Variants in PRIM2 observed in about 807,000 individuals in gnomAD.
The protein encoded by PRIM2 is DNA primase large subunit.
In PRIM2, 39 loss-of-function variants were observed where a neutral mutation model predicts 67.3. The observed-to-expected ratio is 0.58, with a 90% CI of 0.45 to 0.76. The LOEUF is 0.76. Ranked by LOEUF, PRIM2 falls within the 30% of genes least tolerant of loss-of-function variation. The probability of loss-of-function intolerance (pLI) is 0.00; values close to 1 mark genes in which losing one functional copy is unlikely to be tolerated. For missense variants in PRIM2, 398 were observed against 598.7 expected (o/e 0.66, Z 3.50); for synonymous variants, 143 against 198.7 (o/e 0.72, Z 2.36).
At chr6:57,440,085 T>C (rs371419936) in intron 7 of PRIM2, among the ~76,000 whole-genome samples, 3 of 151,306 alleles carry the variant, frequency 2.0e-5, no homozygotes, top group East Asian at 3.9e-4. Flanking sequence ...ATTAAAACTA[T>C]TGAGAATCCC....
At chr6:57,438,716 T>C (rs1772092349) in intron 7 of PRIM2, among the ~76,000 whole-genome samples, 1 of 152,176 alleles carries the variant, frequency 6.6e-6, no homozygotes, top group Admixed American at 6.5e-5. Context: ...TGGTCTCTGT[T>C]TCTCTAGGTT....
intron 5 of PRIM2, among the ~76,000 whole-genome samples, chr6:57,333,526 C>T (rs1241368680): frequency 6.6e-6 from 1 of 152,028 alleles, no homozygotes; most frequent in Non-Finnish European, 1.5e-5. Flanking sequence ...TTGGTGGACT[C>T]TTTTAATCTG....
At chr6:57,297,316 C>T in the PRIM2 span, among the ~76,000 whole-genome samples, 1 of 152,012 alleles carries the variant, frequency 6.6e-6, no homozygotes, top group African/African-American at 2.4e-5. Context: ...GTGGCGGGTG[C>T]CTGTAATCCC....
intron 12 of PRIM2, among the ~76,000 whole-genome samples, chr6:57,624,070 A>G (rs1381878482): frequency 1.3e-5 from 2 of 152,202 alleles, no homozygotes; most frequent in Admixed American, 1.3e-4. Flanking sequence ...CATAAAGATC[A>G]TAGAGCATAG....
chr6:57,359,683 CTG>C (rs1193780263), intron 5 of PRIM2, among the ~76,000 whole-genome samples: 4 of 152,070 alleles, frequency 2.6e-5, no homozygotes, highest in Non-Finnish European at 5.9e-5. Context: ...CTCAAAACAA[CTG>C]TACTATGATT....
At chr6:57,320,308 A>G (rs1767609997) in intron 2 of PRIM2, 149 bp from the exon 3 acceptor site, 1 of 547,562 alleles carries the variant, frequency 1.8e-6, no homozygotes. Flanking sequence ...AAGCATATGT[A>G]GTTTATATGA....
intron 5 of PRIM2, among the ~76,000 whole-genome samples, chr6:57,332,895 C>T (rs574713260): frequency 1.4e-4 from 22 of 152,010 alleles, no homozygotes; most frequent in East Asian, 3.9e-4. Context: ...TTAGTATTTC[C>T]GTGTGCCATC....
the PRIM2 span, among the ~76,000 whole-genome samples, chr6:57,224,783 G>A: frequency 2.4e-4 from 36 of 152,330 alleles, no homozygotes; most frequent in African/African-American, 7.9e-4. Context: ...CATTGAAGGA[G>A]ATCCAGAATA....
intron 7 of PRIM2, among the ~76,000 whole-genome samples, chr6:57,491,834 T>C (rs1773898663): frequency 6.6e-6 from 1 of 152,162 alleles, no homozygotes; most frequent in South Asian, 2.1e-4. Flanking sequence ...CCCTCACAGT[T>C]GAATACCAGG....
chr6:57,359,497 C>T (rs1769130229), intron 5 of PRIM2, among the ~76,000 whole-genome samples: 1 of 152,218 alleles, frequency 6.6e-6, no homozygotes, highest in African/African-American at 2.4e-5. Flanking sequence ...TTGCCAGCAG[C>T]ACCCTTTCTG....
intron 5 of PRIM2, among the ~76,000 whole-genome samples, chr6:57,364,443 C>T (rs568581986): frequency 6.1e-4 from 93 of 152,178 alleles, no homozygotes; most frequent in Middle Eastern, 6.8e-3. Context: ...CTTTTTAAAC[C>T]GTATTTAGGA....
chr6:57,557,749 C>T (rs1404867632), intron 10 of PRIM2, among the ~76,000 whole-genome samples: 1 of 151,596 alleles, frequency 6.6e-6, no homozygotes, highest in Non-Finnish European at 1.5e-5. Context: ...CAAACCTGCA[C>T]ATATCCCCCA....
intron 7 of PRIM2, among the ~76,000 whole-genome samples, chr6:57,416,755 T>C (rs1200589724): frequency 6.6e-6 from 1 of 152,156 alleles, no homozygotes; most frequent in Non-Finnish European, 1.5e-5. Context: ...GTTATAGAGA[T>C]GGCTGCTCTC....
intron 9 of PRIM2, among the ~76,000 whole-genome samples, chr6:57,533,059 A>G (rs1316105570): frequency 6.6e-6 from 1 of 152,034 alleles, no homozygotes; most frequent in Non-Finnish European, 1.5e-5. Context: ...TTTAATCTTA[A>G]TGAGTTCTTT....
At position 57,606,310 on chromosome 6, in the gene PRIM2, G is replaced by A. The variant is rs1381645047; in HGVS notation, c.1148-65G>A. On this transcript the variant is annotated intron_variant, in intron 11 of 13. Coordinates refer to ENST00000615550, the MANE Select transcript of PRIM2 (RefSeq NM_000947.5). ...GGGGAGCTTAGATGGTCTCTCGAGT[G>A]TGGTGTTGTACTAAGTTGTGGATAA... 2.1e-4 allele frequency: 274 copies of A among 1,325,532 alleles called. 2 individuals are homozygous for A. Among genetic ancestry groups the A allele is most frequent in the Admixed American group, 2.9e-4 (15 of 51,984 alleles). The allele number at this position is 1,325,532 out of a possible 1,614,324, so 82.1% of individuals were successfully genotyped here.
chr6:57,494,513 G>A (rs1554346229), intron 7 of PRIM2, among the ~76,000 whole-genome samples: 4,916 of 152,210 alleles, frequency 0.032, 268 homozygotes, highest in African/African-American at 0.11. Context: ...TGATTTACTA[G>A]GTGACCTAAG....
Position 57,344,121 on chromosome 6 carries a change from G to C in PRIM2, c.459+18076G>C, listed in dbSNP as rs570141387. 5.7e-3 allele frequency among the ~76,000 whole-genome samples: 870 copies of C among 151,912 alleles called. 35 individuals carry two copies. The highest frequency in any genetic ancestry group is 0.053 in the Admixed American group (809 of 15,216). The stretch of plus-strand genomic sequence containing the variant: ...AGGTCAAGGAGAGAGTCTTTGTCAA[G>C]TGTCAAACATAACTTCTGAATAGAG... On this transcript the variant is annotated intron_variant, in intron 5 of 13. Coordinates refer to ENST00000615550, the MANE Select transcript of PRIM2 (RefSeq NM_000947.5).
intron 10 of PRIM2, among the ~76,000 whole-genome samples, chr6:57,542,173 G>C (rs1318503736): frequency 6.6e-6 from 1 of 151,970 alleles, no homozygotes; most frequent in East Asian, 1.9e-4. Context: ...ACGGGGTTTC[G>C]CCATGTTGCT....
chr6:57,635,981 G>T (rs1777115257), intron 13 of PRIM2, among the ~76,000 whole-genome samples: 2 of 152,002 alleles, frequency 1.3e-5, no homozygotes, highest in East Asian at 3.9e-4. Context: ...TCCTCTAAAG[G>T]CCTCCACTCC....
Sources: gnomAD v4.1 joint callset for allele counts (sites outside exome capture counted in the v4.1 genomes callset) on GRCh38, gnomAD v4.1.1 for gene constraint, MANE v1.5 for transcripts, NCBI Gene and HGNC (gene_info 2026-07-23, HGNC 2026-07-21) for gene names.